HDAC9: variants seen among roughly 807,000 people sequenced by gnomAD.
The protein encoded by HDAC9 is MEF-2 interacting transcription repressor (MITR) protein.
A neutral mutation model predicts 139.4 loss-of-function variants in HDAC9; 41 were observed. The ratio of observed to expected loss-of-function variants is 0.29; its 90% CI spans 0.23 to 0.38. The LOEUF (loss-of-function observed/expected upper bound fraction) is 0.38. Among genes scored for constraint, HDAC9 ranks in the 10% least tolerant of loss-of-function variants. HDAC9 has a pLI of 1.00. For synonymous variants in HDAC9, 517 were observed against 476.2 expected (o/e 1.09, Z -1.12); for missense variants, 1,147 against 1,297.0 (o/e 0.88, Z 1.78).
At chr7:18,260,229 C>A (rs1584894391) in intron 2 of HDAC9, among the ~76,000 whole-genome samples, 1 of 151,836 alleles carries the variant, frequency 6.6e-6, no homozygotes, top group South Asian at 2.1e-4. Context: ...GATCTATGAC[C>A]ATGCTTCTGA....
chr7:18,162,444 CTT>C (rs530299353), intron 2 of HDAC9: 1,047 of 930,810 alleles, frequency 1.1e-3, no homozygotes, highest in South Asian at 1.8e-3. Context: ...TATGAAGGAA[CTT>C]TTTTTTTTTT....
intron 22 of HDAC9, among the ~76,000 whole-genome samples, chr7:18,893,033 GAAAAAAAAAAAAA>G (rs71960483): frequency 1.5e-5 from 1 of 66,890 alleles, no homozygotes; most frequent in African/African-American, 5.5e-5. Context: ...GTAATAGGCC[GAAAAAAAAAAAAA>G]AAAAAAAAGA....
chr7:18,564,975 ATT>A lies in HDAC9; in HGVS notation c.23-20304_23-20303del, dbSNP rs1563298585. ...ATAAATGTATTTTATTTATTTATTT[ATT>A]TATTTATTTATTTATTTATTTATTT... On this transcript the variant is annotated intron_variant, in intron 2 of 25. Transcript: ENST00000686413. Among the ~76,000 whole-genome samples, 208 of 147,860 alleles carry A rather than the reference ATT, an allele frequency of 1.4e-3. 1 individual carries two copies. The highest frequency in any genetic ancestry group is 5.1e-3 in the African/African-American group (204 of 39,816).
intron 11 of HDAC9, among the ~76,000 whole-genome samples, chr7:18,665,637 T>G (rs1794634530): frequency 6.6e-6 from 1 of 152,146 alleles, no homozygotes; most frequent in Non-Finnish European, 1.5e-5. Context: ...TACACCTCTT[T>G]AAAGTTCAGA....
intron 6 of HDAC9, among the ~76,000 whole-genome samples, chr7:18,620,087 C>A (rs1412601813): frequency 2.0e-5 from 3 of 152,146 alleles, no homozygotes; most frequent in Non-Finnish European, 4.4e-5. Context: ...TGCACTTTTT[C>A]CCATTCCTTG....
intron 1 of HDAC9, among the ~76,000 whole-genome samples, chr7:18,131,282 C>G (rs1217473479): frequency 1.3e-5 from 2 of 152,084 alleles, no homozygotes; most frequent in Non-Finnish European, 2.9e-5. Context: ...ATTGATGATT[C>G]AGTGCCCAAT....
At position 18,648,626 on chromosome 7, in the gene HDAC9, A is replaced by T. The variant is rs1194585166; in HGVS notation, c.1410A>T (p.Gln470His). 6.2e-7 allele frequency: 1 copy of T among 1,613,328 alleles called. No homozygotes were observed. The highest frequency in any genetic ancestry group is 8.5e-7 in the Non-Finnish European group (1 of 1,179,694). ...STLAQLVIQQQHQQFLEKQKQ... is the reference protein window; with the variant it reads ...STLAQLVIQQHHQQFLEKQKQ... ...TGGCTCAGCTGGTCATTCAACAGCA[A>T]CACCAGCAATTCTTGGAGAAGCAGA... Residue 470 changes from glutamine (Q) to histidine (H), a missense_variant, in exon 11 of 26, where the codon CAA becomes CAT. Physicochemically the swap from Gln to His is conservative, Grantham distance 24 (BLOSUM62 0). This residue lies in a region of HDAC9 where 256 missense variants were observed against 219.2 expected (regional missense o/e 1.17). Coordinates refer to ENST00000686413, the MANE Select transcript of HDAC9 (RefSeq NM_178425.4).
At chr7:18,553,385 C>T (rs187415731) in intron 2 of HDAC9, among the ~76,000 whole-genome samples, 3 of 152,186 alleles carry the variant, frequency 2.0e-5, no homozygotes, top group African/African-American at 2.4e-5. Context: ...GCCTAAATGA[C>T]TGTGTTTTAA....
intron 2 of HDAC9, among the ~76,000 whole-genome samples, chr7:18,280,587 CAAA>C (rs11310764): frequency 2.9e-5 from 4 of 139,428 alleles, no homozygotes; most frequent in Admixed American, 7.1e-5. Flanking sequence ...GACTCTGTCT[CAAA>C]AAAAAAAAAC....
intron 22 of HDAC9, among the ~76,000 whole-genome samples, chr7:18,917,594 T>C (rs1162681517): frequency 6.6e-6 from 1 of 151,958 alleles, no homozygotes; most frequent in Non-Finnish European, 1.5e-5. Context: ...GAAAAGCAGA[T>C]GGAAAGAAGG....
chr7:18,327,758 T>C (rs1483604219), intron 1 of HDAC9: 1 of 152,018 alleles, frequency 6.6e-6, no homozygotes, highest in African/African-American at 2.4e-5. Flanking sequence ...TGAGTTACTC[T>C]GAAATAATTT....
At chr7:18,648,118 C>T (rs1339104110) in intron 10 of HDAC9, 120 bp downstream of exon 10, 3 of 764,144 alleles carry the variant, frequency 3.9e-6, no homozygotes, top group Non-Finnish European at 6.2e-6. Context: ...CAAAAGTTTC[C>T]CTGATACCTG....
chr7:18,401,950 C>G (rs1446564421), intron 1 of HDAC9, among the ~76,000 whole-genome samples: 1 of 152,142 alleles, frequency 6.6e-6, no homozygotes, highest in East Asian at 1.9e-4. Flanking sequence ...CTCCCACTGG[C>G]CTTTATTTGC....
chr7:18,668,278 C>T, intron 12 of HDAC9: 1 of 961,294 alleles, frequency 1.0e-6, no homozygotes, highest in Non-Finnish European at 1.2e-6. Flanking sequence ...CTCCCTATCA[C>T]CAACATATTT....
intron 16 of HDAC9, among the ~76,000 whole-genome samples, chr7:18,786,836 ATTCC>A (rs4001106): frequency 0.33 from 20,337 of 60,792 alleles, 3,968 homozygotes; most frequent in South Asian, 0.41. Flanking sequence ...TCCTTCCTTC[ATTCC>A]TTCCTTCCTT....
chr7:18,672,767 T>G (rs1398000061), intron 12 of HDAC9, among the ~76,000 whole-genome samples: 1 of 152,088 alleles, frequency 6.6e-6, no homozygotes, highest in Non-Finnish European at 1.5e-5. Flanking sequence ...ATTTAAATTA[T>G]TTTCAAAGAG....
chr7:18,119,197 T>C (rs1245371976), intron 1 of HDAC9, among the ~76,000 whole-genome samples: 1 of 152,208 alleles, frequency 6.6e-6, no homozygotes, highest in Non-Finnish European at 1.5e-5. Context: ...ACAGAAAAGA[T>C]GCTATATCTG....
intron 21 of HDAC9, among the ~76,000 whole-genome samples, chr7:18,841,761 G>C (rs1279487515): frequency 3.9e-5 from 6 of 151,988 alleles, no homozygotes; most frequent in Non-Finnish European, 7.4e-5. Flanking sequence ...CCCCAAAATT[G>C]AAAATTTAGA....
intron 11 of HDAC9, among the ~76,000 whole-genome samples, chr7:18,652,328 G>T (rs1302912225): frequency 2.0e-5 from 3 of 151,936 alleles, no homozygotes; most frequent in Non-Finnish European, 4.4e-5. Flanking sequence ...CAAACAAAAA[G>T]TAATAAGGTA....
Sources: allele counts gnomAD v4.1 joint callset (sites outside exome capture counted in the v4.1 genomes callset), GRCh38; gene constraint gnomAD v4.1.1; regional missense constraint gnomAD v4.1.1; transcripts MANE v1.5; gene names NCBI Gene and HGNC (gene_info 2026-07-23, HGNC 2026-07-21).